CHORDC1: variants seen among roughly 807,000 people sequenced by gnomAD.
CHORDC1 encodes cysteine and histidine rich domain containing 1, also known as cysteine and histidine-rich domain-containing protein 1.
CHORDC1 carries 25 observed loss-of-function variants against 48.3 expected under a neutral mutation model. The ratio of observed to expected loss-of-function variants is 0.52; its 90% CI spans 0.38 to 0.72. CHORDC1 has a LOEUF of 0.72. CHORDC1 is among the 30% of genes least tolerant of loss of function. The probability of loss-of-function intolerance (pLI) is 0.00; values close to 1 mark genes in which losing one functional copy is unlikely to be tolerated. For synonymous variants in CHORDC1, 128 were observed against 126.4 expected (o/e 1.01, Z -0.09); for missense variants, 317 against 388.7 (o/e 0.82, Z 1.55).
At chr11:90,202,596 T>G in intron 10 of CHORDC1, 45 bp from the exon 11 acceptor site, 1 of 1,594,708 alleles carries the variant, frequency 6.3e-7, no homozygotes, top group Non-Finnish European at 8.6e-7. Flanking sequence ...AGTAGTTTTA[T>G]TAGTCTCAGA....
intron 6 of CHORDC1, chr11:90,207,815 T>TAGGACA: frequency 1.2e-5 from 1 of 83,796 alleles, no homozygotes; most frequent in Non-Finnish European, 2.7e-5. Context: ...TAAGAAACCA[T>TAGGACA]AGGACAAGTT....
In CHORDC1 at chr11:90,202,824, TCA is replaced by T; in HGVS notation, c.839_840del (p.Val280GlufsTer7). ...TTTGTAATACTTACACCCCATAATT[TCA>T]CATTTTGATCAAATTCCTTCTCTCC... ...FEGEKEFDQNVKLWGVIDVKR... is the reference protein window; with the variant it reads ...FEGEKEFDQNXKLWGVIDVKR... On this transcript the variant is annotated frameshift_variant, in exon 10 of 11. Transcript: ENST00000320585. LOFTEE classifies it high-confidence loss of function. 2 of 1,600,058 alleles carry T rather than the reference TCA, an allele frequency of 1.2e-6. No homozygotes were observed. The highest frequency in any genetic ancestry group is 1.7e-6 in the Non-Finnish European group (2 of 1,174,464).
Position 90,214,047 on chromosome 11 carries a change from A to G in CHORDC1, c.300T>C (p.Pro100=), listed in dbSNP as rs151155768. The change falls in exon 4 of 11, where the codon CCT becomes CCC. Residue 100 remains proline, a synonymous_variant. Coordinates refer to ENST00000320585, the MANE Select transcript of CHORDC1 (RefSeq NM_012124.3). ...GTCTTTTTATTGCTTCTACTGGCTT[A>G]GGGGCTTGAATGATGTGTTCCTGAA... ...PKFQEHIIQA[P]KPVEAIKRPS... The G allele has an allele frequency of 3.1e-6, 5 of 1,613,018 alleles. No individual in the cohort carries two copies. Among genetic ancestry groups the G allele is most frequent in the African/African-American group, 2.7e-5 (2 of 74,876 alleles).
intron 2 of CHORDC1, among the ~76,000 whole-genome samples, chr11:90,215,482 C>T (rs919958180): frequency 2.0e-5 from 3 of 151,828 alleles, no homozygotes; most frequent in African/African-American, 7.3e-5. Flanking sequence ...CTTTATAAAA[C>T]AAAAACTGTT....
intron 8 of CHORDC1, among the ~76,000 whole-genome samples, chr11:90,203,981 G>T (rs1857604726): frequency 6.6e-6 from 1 of 151,918 alleles, no homozygotes; most frequent in Non-Finnish European, 1.5e-5. Context: ...CATACCAGTA[G>T]TATACTATAC....
At chr11:90,215,856 T>C (rs1157330416) in intron 2 of CHORDC1, among the ~76,000 whole-genome samples, 1 of 151,972 alleles carries the variant, frequency 6.6e-6, no homozygotes, top group Non-Finnish European at 1.5e-5. Flanking sequence ...TTATAGAGCA[T>C]AGGGAAACAA....
chr11:90,205,246 T>A (rs1159760371), intron 8 of CHORDC1, among the ~76,000 whole-genome samples: 1 of 152,200 alleles, frequency 6.6e-6, no homozygotes, highest in African/African-American at 2.4e-5. Flanking sequence ...AAACCTCACA[T>A]GCTTGCATCA....
chr11:90,203,174 A>T (rs1857583202), intron 9 of CHORDC1, 134 bp downstream of exon 9: 2 of 893,212 alleles, frequency 2.2e-6, no homozygotes, highest in Non-Finnish European at 3.2e-6. Flanking sequence ...AAGTAATTTA[A>T]TTTTTTTTAA....
chr11:90,209,433 T>G (rs896248717), intron 6 of CHORDC1: 2 of 152,204 alleles, frequency 1.3e-5, no homozygotes, highest in Admixed American at 6.5e-5. Context: ...CGGAACCATC[T>G]GTACTTTCTG....
chr11:90,206,667 G>A, intron 6 of CHORDC1: 1 of 588,090 alleles, frequency 1.7e-6, no homozygotes, highest in Non-Finnish European at 2.7e-6. Flanking sequence ...CAAATAATAT[G>A]AGAAATCTAA....
Position 90,210,605 on chromosome 11 carries a change from G to T in CHORDC1, c.434-11C>A. On this transcript the variant is annotated splice_polypyrimidine_tract_variant and intron_variant, in intron 5 of 10. Coordinates refer to ENST00000320585, the MANE Select transcript of CHORDC1 (RefSeq NM_012124.3). ...CATCATTGTCTTCTTCTGTAACAAA[G>T]AAAAAAAAATCAAATTAAAAAGTTA... 2 of 1,490,520 alleles carry T rather than the reference G, an allele frequency of 1.3e-6. No homozygotes were observed. Among genetic ancestry groups the T allele is most frequent in the Non-Finnish European group, 1.8e-6 (2 of 1,090,914 alleles). 92.3% of individuals were successfully genotyped at this position (1,490,520 alleles called of 1,614,324 possible).
At position 90,202,554 on chromosome 11, in the gene CHORDC1, G is replaced by C; in HGVS notation, c.853-3C>G. 1 of 1,612,074 alleles carries C rather than the reference G, an allele frequency of 6.2e-7. No individual in the cohort carries two copies. On this transcript the variant is annotated splice_region_variant and splice_polypyrimidine_tract_variant and intron_variant, in intron 10 of 10. Coordinates refer to ENST00000320585, the MANE Select transcript of CHORDC1 (RefSeq NM_012124.3). ...TAACTTCGCTTTACATCAATCACCTGTAACATATCAAAGAGAATTACAGGA... is the reference window on the plus strand; with the variant it reads ...TAACTTCGCTTTACATCAATCACCTCTAACATATCAAAGAGAATTACAGGA...
At chr11:90,215,561 T>C (rs1857987947) in intron 2 of CHORDC1, among the ~76,000 whole-genome samples, 1 of 152,008 alleles carries the variant, frequency 6.6e-6, no homozygotes, top group African/African-American at 2.4e-5. Context: ...AAAACTATCA[T>C]ATTTAAAGAA....
At position 90,220,472 on chromosome 11, in the gene CHORDC1, T is replaced by C. The variant is rs114178985; in HGVS notation, c.65-2288A>G. 2.9e-3 allele frequency among the ~76,000 whole-genome samples: 434 copies of C among 152,196 alleles called. 1 individual carries two copies. The highest frequency in any genetic ancestry group is 9.6e-3 in the African/African-American group (397 of 41,510). On this transcript the variant is annotated intron_variant, in intron 1 of 10. Transcript: ENST00000320585. ...TTGAGAGGGGAATGGAAGTAGAGAATAGATCCAGTATTTTCAAACACCAAA... is the reference window on the plus strand; with the variant it reads ...TTGAGAGGGGAATGGAAGTAGAGAACAGATCCAGTATTTTCAAACACCAAA...
chr11:90,219,863 T>C (rs1264434319), intron 1 of CHORDC1, among the ~76,000 whole-genome samples: 1 of 152,142 alleles, frequency 6.6e-6, no homozygotes, highest in Non-Finnish European at 1.5e-5. Context: ...TTTTTAAAAA[T>C]CAGGTAACAG....
chr11:90,213,507 T>A lies in CHORDC1; in HGVS notation c.329+511A>T. 3 of 615,756 alleles carry A rather than the reference T, an allele frequency of 4.9e-6. No individual in the cohort carries two copies. The South Asian group carries it at 5.5e-5, about 11-fold the overall frequency. The allele number at this position is 615,756 out of a possible 1,614,324, so 38.1% of individuals were successfully genotyped here. On this transcript the variant is annotated intron_variant, in intron 4 of 10. Transcript: ENST00000320585. ...CAAGTATGAAGAATCTGTACAACTCTATTGCACAATGAGCAAACGCTTTTT... is the reference window on the plus strand; with the variant it reads ...CAAGTATGAAGAATCTGTACAACTCAATTGCACAATGAGCAAACGCTTTTT...
At chr11:90,221,990 TTAAA>T (rs752995075) in intron 1 of CHORDC1, among the ~76,000 whole-genome samples, 11 of 152,284 alleles carry the variant, frequency 7.2e-5, no homozygotes, top group Non-Finnish European at 1.3e-4. Flanking sequence ...GTTATGAAGA[TTAAA>T]TAAGATAAAG....
Position 90,214,098 on chromosome 11 carries a change from C to T in CHORDC1, c.249G>A (p.Lys83=). Residue 83 remains lysine (K), a synonymous_variant, in exon 4 of 11, where the codon AAG becomes AAA. Coordinates refer to ENST00000320585, the MANE Select transcript of CHORDC1 (RefSeq NM_012124.3). Reference sequence around the variant, plus strand: ...ATTTGGGTTTTAATTCACATAGCTCCTTCTTCTCAGTAGTCTTGACTTCAG... The same window carrying T: ...ATTTGGGTTTTAATTCACATAGCTCTTTCTTCTCAGTAGTCTTGACTTCAG... The part of the protein sequence containing the change: ...VKPEVKTTEK[K]ELCELKPKFQ... The T allele has an allele frequency of 1.2e-6, 2 of 1,613,540 alleles. No homozygotes were observed. Among genetic ancestry groups the T allele is most frequent in the South Asian group, 1.1e-5 (1 of 91,046 alleles).
At chr11:90,205,411 A>T in intron 8 of CHORDC1, 49 bp downstream of exon 8, 1 of 1,076,826 alleles carries the variant, frequency 9.3e-7, no homozygotes, top group Non-Finnish European at 1.4e-6. Flanking sequence ...TTAAAAAATG[A>T]CTCAGATGAA....
Sources: allele counts gnomAD v4.1 joint callset (sites outside exome capture counted in the v4.1 genomes callset), GRCh38; gene constraint gnomAD v4.1.1; transcripts MANE v1.5; gene names NCBI Gene and HGNC (gene_info 2026-07-23, HGNC 2026-07-21).